The following ZNF786 variants were observed in gnomAD, a reference collection of about 807,000 sequenced individuals.
ZNF786 encodes the protein zinc finger protein 786.
ZNF786 carries 56 observed loss-of-function variants against 63.1 expected under a neutral mutation model. The ratio of observed to expected loss-of-function variants is 0.89; its 90% CI spans 0.72 to 1.11. The LOEUF is 1.11. ZNF786 is among the 50% of genes least tolerant of loss of function. The probability of loss-of-function intolerance (pLI) is 0.00; values close to 1 mark genes in which losing one functional copy is unlikely to be tolerated. For missense variants in ZNF786, 1,213 were observed against 1,041.8 expected, an observed-to-expected ratio of 1.16 and a Z score of -2.26; for synonymous variants, 485 against 406.9, an observed-to-expected ratio of 1.19 and a Z score of -2.31.
chr7:149,071,547 G>A lies in ZNF786; in HGVS notation c.1225C>T (p.Arg409Cys). The A allele has an allele frequency of 5.0e-6, 8 of 1,612,306 alleles. No homozygotes were observed. Among genetic ancestry groups the A allele is most frequent in the South Asian group, 1.1e-5 (1 of 91,028 alleles). ...TGCTGGTGGACCTGCAGCAGGCGGC[G>A]CAGGCGGAAGCGCTTGGTGCAATGC... is the stretch of plus-strand genomic sequence containing the variant. ...CAHCTKRFRL[R>C]RLLQVHQHAH... The change falls in exon 4 of 4, where the codon CGC (arginine) becomes TGC (cysteine). Residue 409 changes from arginine to cysteine, a missense_variant. Arg to Cys is a radical substitution (Grantham distance 180). Coordinates refer to ENST00000491431, the MANE Select transcript of ZNF786 (RefSeq NM_152411.4).
chr7:149,073,724 CGTGTGTGT>C (rs375323153), intron 3 of ZNF786, among the ~76,000 whole-genome samples: 41 of 67,900 alleles, frequency 6.0e-4, no homozygotes, highest in African/African-American at 1.7e-3. Flanking sequence ...TATATGTGTG[CGTGTGTGT>C]GTGTGTGTGT....
At position 149,072,322 on chromosome 7, in the gene ZNF786, T is replaced by TGGA. The variant is rs1287707197; in HGVS notation, c.447_449dup (p.Pro151dup). The TGGA allele has an allele frequency of 6.2e-7, 1 of 1,613,676 alleles. No homozygotes were observed. Among genetic ancestry groups the TGGA allele is most frequent in the Non-Finnish European group, 8.5e-7 (1 of 1,179,786 alleles). On this transcript the variant is annotated inframe_insertion, in exon 4 of 4. Coordinates refer to ENST00000491431, the MANE Select transcript of ZNF786 (RefSeq NM_152411.4). ...ATTCACTGGGGCCGCAGGCTAGTGG[T>TGGA]GGAGGAGCCCTGGCGTCGTGTCTCT...
intron 1 of ZNF786, among the ~76,000 whole-genome samples, chr7:149,081,363 G>A (rs1825648749): frequency 6.7e-6 from 1 of 149,414 alleles, no homozygotes; most frequent in African/African-American, 2.5e-5. Context: ...TTGAACCTAG[G>A]AGGCAGAGGT....
At chr7:149,086,626 T>A (rs376705159) in intron 1 of ZNF786, among the ~76,000 whole-genome samples, 140 of 147,708 alleles carry the variant, frequency 9.5e-4, no homozygotes, top group East Asian at 5.2e-3. Context: ...ACACTCTGTC[T>A]CACACACACA....
At chr7:149,076,263 C>T (rs527422926) in intron 2 of ZNF786, among the ~76,000 whole-genome samples, 42 of 151,498 alleles carry the variant, frequency 2.8e-4, no homozygotes, top group East Asian at 1.4e-3. Flanking sequence ...TACAGGCATG[C>T]GCCACCATAC....
At chr7:149,082,580 C>G in intron 1 of ZNF786, 1 of 806,162 alleles carries the variant, frequency 1.2e-6, no homozygotes, top group Non-Finnish European at 1.5e-6. Context: ...CTTGTTCCAA[C>G]TTAAATTTTT....
At chr7:149,080,306 G>C (rs1825628288) in intron 2 of ZNF786, among the ~76,000 whole-genome samples, 1 of 152,092 alleles carries the variant, frequency 6.6e-6, no homozygotes, top group South Asian at 2.1e-4. Flanking sequence ...CTCCTATGTG[G>C]ACAATCATGG....
At chr7:149,073,471 G>A (rs185556677) in intron 3 of ZNF786, among the ~76,000 whole-genome samples, 78 of 151,964 alleles carry the variant, frequency 5.1e-4, no homozygotes, top group Admixed American at 2.1e-3. Flanking sequence ...ACTGCTTGAG[G>A]CCAGGACTGC....
intron 2 of ZNF786, among the ~76,000 whole-genome samples, chr7:149,078,753 A>G (rs1825603659): frequency 6.6e-6 from 1 of 152,218 alleles, no homozygotes; most frequent in Admixed American, 6.5e-5. Context: ...ATATAAAGGA[A>G]GTGGTATGGC....
In ZNF786 at chr7:149,080,732, A is replaced by T. The variant is rs748069997; in HGVS notation, c.19-15T>A. On this transcript the variant is annotated splice_polypyrimidine_tract_variant and intron_variant, in intron 1 of 3. Coordinates refer to ENST00000491431, the MANE Select transcript of ZNF786 (RefSeq NM_152411.4). Reference sequence around the variant, plus strand: ...GTCAGAGGTAGCTGAAATTGTAGACATAAGACATATGCATTCATGGTTGCT... The same window carrying T: ...GTCAGAGGTAGCTGAAATTGTAGACTTAAGACATATGCATTCATGGTTGCT... 4 of 1,593,294 alleles carry T rather than the reference A, an allele frequency of 2.5e-6. No individual in the cohort carries two copies. Among genetic ancestry groups the T allele is most frequent in the Non-Finnish European group, 3.4e-6 (4 of 1,173,008 alleles).
chr7:149,081,713 A>G (rs1825657030), intron 1 of ZNF786, among the ~76,000 whole-genome samples: 1 of 152,118 alleles, frequency 6.6e-6, no homozygotes, highest in African/African-American at 2.4e-5. Context: ...GTTGTATTTC[A>G]GTATTTTAAT....
intron 1 of ZNF786, among the ~76,000 whole-genome samples, chr7:149,086,729 T>A (rs1018160638): frequency 6.6e-6 from 1 of 152,068 alleles, no homozygotes; most frequent in Non-Finnish European, 1.5e-5. Context: ...TGTCAGGCTC[T>A]TTTTAACCAG....
chr7:149,070,813 G>A lies in ZNF786; in HGVS notation c.1959C>T (p.Cys653=), dbSNP rs74782558. The stretch of plus-strand genomic sequence containing the variant: ...TTGAGTGTTTCACAAAGCCCTTGCC[G>A]CACTCACAGGAGAAAGGCATCTCCC... ...HSGEMPFSCE[C]GKGFVKHSKL... Residue 653 remains cysteine (C), a synonymous_variant, in exon 4 of 4, where the codon TGC becomes TGT. Transcript: ENST00000491431. 2.1e-3 allele frequency: 3,390 copies of A among 1,613,540 alleles called. 38 individuals carry two copies. In the African/African-American group the frequency reaches 0.037, roughly 18 times the overall value.
chr7:149,087,949 C>G (rs1825763680), intron 1 of ZNF786, among the ~76,000 whole-genome samples: 1 of 151,546 alleles, frequency 6.6e-6, no homozygotes, highest in African/African-American at 2.4e-5. Flanking sequence ...GCCACCACAC[C>G]TGGCTAATTT....
intron 2 of ZNF786, among the ~76,000 whole-genome samples, chr7:149,074,993 C>CTAATTTTCGCATTTT (rs1240912956): frequency 1.3e-5 from 2 of 151,826 alleles, no homozygotes; most frequent in Non-Finnish European, 2.9e-5. Context: ...CCAGGCCAAG[C>CTAATTTTCGCATTTT]TAATTTTCGC....
At chr7:149,077,892 T>A (rs1452087194) in intron 2 of ZNF786, among the ~76,000 whole-genome samples, 3 of 149,790 alleles carry the variant, frequency 2.0e-5, no homozygotes, top group Non-Finnish European at 4.4e-5. Flanking sequence ...TGAGATGAAG[T>A]CTCACTGTTG....
At chr7:149,087,963 G>A (rs1016595825) in intron 1 of ZNF786, among the ~76,000 whole-genome samples, 32 of 146,030 alleles carry the variant, frequency 2.2e-4, no homozygotes, top group Non-Finnish European at 4.5e-4. Context: ...CTAATTTTCT[G>A]TAGAGAGGGG....
intron 1 of ZNF786, among the ~76,000 whole-genome samples, chr7:149,089,020 G>T (rs138162606): frequency 2.2e-5 from 3 of 136,716 alleles, no homozygotes; most frequent in Non-Finnish European, 4.7e-5. Context: ...GCAGTGGCGC[G>T]ATCTCGGCTC....
chr7:149,075,655 GTTTTTTTT>G lies in ZNF786; in HGVS notation c.146-1125_146-1118del, dbSNP rs1165713050. On this transcript the variant is annotated intron_variant, in intron 2 of 3. Coordinates refer to ENST00000491431, the MANE Select transcript of ZNF786 (RefSeq NM_152411.4). ...ATCCTACTGTGCTGACACACTTCAG[GTTTTTTTT>G]TTTTTTTTTTTTTTTTTTTTGATAG... Among the ~76,000 whole-genome samples, 23 of 69,466 alleles carry G rather than the reference GTTTTTTTT, an allele frequency of 3.3e-4. 1 individual carries two copies. Among genetic ancestry groups the G allele is most frequent in the East Asian group, 2.2e-3 (4 of 1,820 alleles). 45.6% of individuals were successfully genotyped at this position (69,466 alleles called of 152,430 possible). A position where few individuals can be genotyped will look rare whatever the true frequency, so the allele number is the denominator to read the frequency against.
Sources: allele counts gnomAD v4.1 joint callset (sites outside exome capture counted in the v4.1 genomes callset), GRCh38; gene constraint gnomAD v4.1.1; transcripts MANE v1.5; gene names NCBI Gene and HGNC (gene_info 2026-07-23, HGNC 2026-07-21).